The following CA12 variants were observed in gnomAD, a reference collection of about 807,000 sequenced individuals.
CA12 encodes carbonate dehydratase XII.
In CA12, 36 loss-of-function variants were observed where a neutral mutation model predicts 46.8. The observed-to-expected ratio is 0.77, with a 90% CI of 0.59 to 1.02. The LOEUF (loss-of-function observed/expected upper bound fraction) is 1.02, where lower values mean the gene tolerates loss of function less well. Among genes scored for constraint, CA12 ranks in the 50% least tolerant of loss-of-function variants. The pLI, the probability that CA12 is intolerant of heterozygous loss-of-function variation, is 0.00. For missense variants in CA12, 436 were observed against 451.4 expected (o/e 0.97, Z 0.31); for synonymous variants, 202 against 187.0 (o/e 1.08, Z -0.65).
At chr15:63,363,750 C>T (rs971799669) in intron 2 of CA12, among the ~76,000 whole-genome samples, 1 of 152,210 alleles carries the variant, frequency 6.6e-6, no homozygotes, top group African/African-American at 2.4e-5. Flanking sequence ...CAGTTGATGC[C>T]TATAATTCTT....
rs563708291 is a variant in CA12, at chr15:63,323,736, A to C, written c.*2549T>G. On this transcript the variant is annotated 3_prime_UTR_variant, in exon 11 of 11. Transcript: ENST00000178638. The surrounding 1 kb of genome is among the most constrained non-coding windows in gnomAD (Gnocchi z 5.1). ...AGAGAGGCTAGTGAAGAGGAGAGGAATGTAGGGTGAATTTGAAATGTGATT... is the reference window on the plus strand; with the variant it reads ...AGAGAGGCTAGTGAAGAGGAGAGGACTGTAGGGTGAATTTGAAATGTGATT... The C allele has an allele frequency of 1.5e-4, 23 of 152,628 alleles. No homozygotes were observed. Among genetic ancestry groups the C allele is most frequent in the African/African-American group, 5.5e-4 (23 of 41,556 alleles). 9.5% of individuals were successfully genotyped at this position (152,628 alleles called of 1,614,324 possible).
intron 1 of CA12, among the ~76,000 whole-genome samples, chr15:63,376,597 T>TCTTTCTTC (rs1567057053): frequency 7.9e-6 from 1 of 126,136 alleles, no homozygotes; most frequent in Non-Finnish European, 1.7e-5. Context: ...TTTCTTTCTT[T>TCTTTCTTC]CTTTCTCTCT....
At chr15:63,376,558 C>CTTTCTTTCTTTCTT (rs1555432631) in intron 1 of CA12, among the ~76,000 whole-genome samples, 1 of 2,774 alleles carries the variant, frequency 3.6e-4, no homozygotes, top group Non-Finnish European at 1.2e-3. Flanking sequence ...TCTTTCTTTC[C>CTTTCTTTCTTTCTT]TTTCTTTCTT....
intron 2 of CA12, among the ~76,000 whole-genome samples, chr15:63,363,721 A>G (rs1023942756): frequency 6.6e-5 from 10 of 152,240 alleles, no homozygotes; most frequent in African/African-American, 2.2e-4. Context: ...CCATCATGGG[A>G]CAGTTATGTG....
In CA12 at chr15:63,340,473, G is replaced by A. The variant is rs781778775; in HGVS notation, c.590-28C>T. Reference sequence around the variant, plus strand: ...AGAGAGACATGTTGCAGAGGTGATAGTGTCAGCCTCCCTCCGTAGGGCATA... The same window carrying A: ...AGAGAGACATGTTGCAGAGGTGATAATGTCAGCCTCCCTCCGTAGGGCATA... On this transcript the variant is annotated intron_variant, in intron 6 of 10. Transcript: ENST00000178638. The surrounding 1 kb of genome is among the most constrained non-coding windows in gnomAD (Gnocchi z 4.4). 2.5e-5 allele frequency: 40 copies of A among 1,613,844 alleles called. No individual in the cohort carries two copies. The highest frequency in any genetic ancestry group is 3.1e-5 in the Non-Finnish European group (37 of 1,179,812).
intron 4 of CA12, among the ~76,000 whole-genome samples, chr15:63,343,170 A>AT (rs1402610652): frequency 1.3e-5 from 2 of 150,462 alleles, no homozygotes; most frequent in Non-Finnish European, 3.0e-5. Flanking sequence ...TTTACAGCTG[A>AT]CCTTTGAGCT....
chr15:63,337,487 C>T (rs998549743), intron 8 of CA12, among the ~76,000 whole-genome samples: 2 of 152,154 alleles, frequency 1.3e-5, no homozygotes, highest in Admixed American at 1.3e-4. Flanking sequence ...GACGGAGTCT[C>T]GCCCTGTCAC....
At position 63,348,102 on chromosome 15, in the gene CA12, A is replaced by G. The variant is rs553152734; in HGVS notation, c.107-1393T>C. Among the ~76,000 whole-genome samples the G allele has an allele frequency of 6.6e-6, 1 of 152,296 alleles. No homozygotes were observed. Among genetic ancestry groups the G allele is most frequent in the African/African-American group, 2.4e-5 (1 of 41,566 alleles). On this transcript the variant is annotated intron_variant, in intron 2 of 10. Coordinates refer to ENST00000178638, the MANE Select transcript of CA12 (RefSeq NM_001218.5). The surrounding 1 kb of genome is among the most constrained non-coding windows in gnomAD (Gnocchi z 4.6). The stretch of plus-strand genomic sequence containing the variant: ...TGAGGCGTTGGTCCCAGGCTTAGTT[A>G]GTTCTTACTTCTAGGTCCGGACACA...
At chr15:63,380,986 T>C (rs1302412586) in intron 1 of CA12, among the ~76,000 whole-genome samples, 1 of 151,624 alleles carries the variant, frequency 6.6e-6, no homozygotes, top group African/African-American at 2.4e-5. Flanking sequence ...TGGGATTTAG[T>C]GTTCTAATTA....
At chr15:63,364,344 A>AAAAAAAAAAAAC in intron 2 of CA12, among the ~76,000 whole-genome samples, 2 of 149,496 alleles carry the variant, frequency 1.3e-5, no homozygotes, top group African/African-American at 2.4e-5. Context: ...AAAAAAAAAA[A>AAAAAAAAAAAAC]AAAAAAAAAA....
At position 63,348,128 on chromosome 15, in the gene CA12, C is replaced by T. The variant is rs2039177360; in HGVS notation, c.107-1419G>A. Among the ~76,000 whole-genome samples, 2 of 152,296 alleles carry T rather than the reference C, an allele frequency of 1.3e-5. No homozygotes were observed. Among genetic ancestry groups the T allele is most frequent in the Admixed American group, 1.3e-4 (2 of 15,304 alleles). On this transcript the variant is annotated intron_variant, in intron 2 of 10. Coordinates refer to ENST00000178638, the MANE Select transcript of CA12 (RefSeq NM_001218.5). This position sits in a 1 kb window ranked among gnomAD's most constrained non-coding sequence, Gnocchi z 4.6. Reference sequence around the variant, plus strand: ...GTTCTTACTTCTAGGTCCGGACACACACATCGGAACCCTACTGATTTTTCA... The same window carrying T: ...GTTCTTACTTCTAGGTCCGGACACATACATCGGAACCCTACTGATTTTTCA...
chr15:63,343,394 G>A (rs2039107244), intron 4 of CA12, among the ~76,000 whole-genome samples: 1 of 147,096 alleles, frequency 6.8e-6, no homozygotes, highest in Non-Finnish European at 1.5e-5. Context: ...CGATTCCCCT[G>A]CCTCAGCCTC....
chr15:63,381,757 C>G lies in CA12; in HGVS notation c.-37G>C, dbSNP rs1235912366. On this transcript the variant is annotated 5_prime_UTR_variant, in exon 1 of 11. Coordinates refer to ENST00000178638, the MANE Select transcript of CA12 (RefSeq NM_001218.5). ...CCTGCGGGGCGGGCGCGGGCTGTGCCGGGGGCTCCCGGTGGCCGCTCGCTC... is the reference window on the plus strand; with the variant it reads ...CCTGCGGGGCGGGCGCGGGCTGTGCGGGGGGCTCCCGGTGGCCGCTCGCTC... The G allele has an allele frequency of 1.4e-6, 2 of 1,434,194 alleles. No homozygotes were observed. The highest frequency in any genetic ancestry group is 1.9e-6 in the Non-Finnish European group (2 of 1,074,496). 88.8% of individuals were successfully genotyped at this position (1,434,194 alleles called of 1,614,324 possible). A position where few individuals can be genotyped will look rare whatever the true frequency, so the allele number is the denominator to read the frequency against.
In CA12 at chr15:63,355,441, CAG is replaced by C. The variant is rs774210199; in HGVS notation, c.107-8734_107-8733del. 6.6e-6 allele frequency among the ~76,000 whole-genome samples: 1 copy of C among 152,220 alleles called. No individual in the cohort carries two copies. The highest frequency in any genetic ancestry group is 1.5e-5 in the Non-Finnish European group (1 of 68,036). On this transcript the variant is annotated intron_variant, in intron 2 of 10. Transcript: ENST00000178638. The surrounding 1 kb of genome is among the most constrained non-coding windows in gnomAD (Gnocchi z 4.1). ...ACCGCCTAGGAACTCATTCAAAATGCAGAGTCTCGGGCCCCACCCCAGGCCTA... is the reference window on the plus strand; with the variant it reads ...ACCGCCTAGGAACTCATTCAAAATGCAGTCTCGGGCCCCACCCCAGGCCTA...
chr15:63,326,099 C>T lies in CA12; in HGVS notation c.*186G>A, dbSNP rs1038835597. The T allele has an allele frequency of 2.7e-5, 17 of 618,184 alleles. No homozygotes were observed. The highest frequency in any genetic ancestry group is 1.8e-4 in the African/African-American group (10 of 54,648). The allele number at this position is 618,184 out of a possible 1,614,324, so 38.3% of individuals were successfully genotyped here. A position where few individuals can be genotyped will look rare whatever the true frequency, so the allele number is the denominator to read the frequency against. On this transcript the variant is annotated 3_prime_UTR_variant, in exon 11 of 11. Coordinates refer to ENST00000178638, the MANE Select transcript of CA12 (RefSeq NM_001218.5). Reference sequence around the variant, plus strand: ...CTGAGAGTGCATCCCATCCATCGATCGGATGGCTCTGGGGTGGCCATGGTC... The same window carrying T: ...CTGAGAGTGCATCCCATCCATCGATTGGATGGCTCTGGGGTGGCCATGGTC...
chr15:63,340,786 G>A lies in CA12; in HGVS notation c.526-3C>T. On this transcript the variant is annotated splice_region_variant and splice_polypyrimidine_tract_variant and intron_variant, in intron 5 of 10. Transcript: ENST00000178638. This position sits in a 1 kb window ranked among gnomAD's most constrained non-coding sequence, Gnocchi z 4.4. ...TAGGACGGATTGAAGGAGCCCATCT[G>A]CAACAGAGACAGGGCAGGTTAAACT... is the stretch of plus-strand genomic sequence containing the variant. 6.2e-7 allele frequency: 1 copy of A among 1,613,952 alleles called. No homozygotes were observed. Among genetic ancestry groups the A allele is most frequent in the African/African-American group, 1.3e-5 (1 of 75,062 alleles).
At chr15:63,381,490 A>G in intron 1 of CA12, 146 bp downstream of exon 1, 1 of 712,640 alleles carries the variant, frequency 1.4e-6, no homozygotes. Context: ...AGGAAAACGG[A>G]GCATCCTTTC....
chr15:63,327,792 C>A lies in CA12; in HGVS notation c.907+306G>T, dbSNP rs952425048. On this transcript the variant is annotated intron_variant, in intron 9 of 10. Coordinates refer to ENST00000178638, the MANE Select transcript of CA12 (RefSeq NM_001218.5). The surrounding 1 kb of genome is among the most constrained non-coding windows in gnomAD (Gnocchi z 4.5). ...TTGCCAAGGTCATGCGGCCTGTCAG[C>A]TGACCTCCACAATGGGCTCTGGTAT... 6.6e-6 allele frequency among the ~76,000 whole-genome samples: 1 copy of A among 152,216 alleles called. No homozygotes were observed. The highest frequency in any genetic ancestry group is 1.5e-5 in the Non-Finnish European group (1 of 68,038).
rs573645451 is a variant in CA12, at chr15:63,341,228, A to G, written c.526-445T>C. Among the ~76,000 whole-genome samples the G allele has an allele frequency of 6.6e-6, 1 of 152,320 alleles. No homozygotes were observed. Among genetic ancestry groups the G allele is most frequent in the Non-Finnish European group, 1.5e-5 (1 of 68,028 alleles). On this transcript the variant is annotated intron_variant, in intron 5 of 10. Coordinates refer to ENST00000178638, the MANE Select transcript of CA12 (RefSeq NM_001218.5). This position sits in a 1 kb window ranked among gnomAD's most constrained non-coding sequence, Gnocchi z 5.2. ...GAAGACATTCCTCTATCTTGGGATAAAAAAAGAATTCATTCCAGGGTACAT... is the reference window on the plus strand; with the variant it reads ...GAAGACATTCCTCTATCTTGGGATAGAAAAAGAATTCATTCCAGGGTACAT...
Sources: gnomAD v4.1 joint callset for allele counts (sites outside exome capture counted in the v4.1 genomes callset) on GRCh38, gnomAD v4.1.1 for gene constraint, Gnocchi (gnomAD v3.1) non-coding constraint, MANE v1.5 for transcripts, NCBI Gene and HGNC (gene_info 2026-07-23, HGNC 2026-07-21) for gene names.